Variants in GRM7 observed in about 807,000 individuals in gnomAD.
GRM7 encodes the protein glutamate metabotropic receptor 7.
In GRM7, 35 loss-of-function variants were observed where a neutral mutation model predicts 84.5. The observed-to-expected ratio is 0.41, with a 90% CI of 0.32 to 0.55. The LOEUF is 0.55. Among genes scored for constraint, GRM7 ranks in the 20% least tolerant of loss-of-function variants. The probability of loss-of-function intolerance (pLI) is 0.19; values close to 1 mark genes in which losing one functional copy is unlikely to be tolerated. For synonymous variants in GRM7, 487 were observed against 455.1 expected (o/e 1.07, Z -0.89); for missense variants, 1,003 against 1,194.6 (o/e 0.84, Z 2.36).
intron 2 of GRM7, among the ~76,000 whole-genome samples, chr3:7,192,252 A>T (rs1478570335): frequency 1.3e-5 from 2 of 152,086 alleles, no homozygotes; most frequent in African/African-American, 4.8e-5. Flanking sequence ...CCCGAAGAAC[A>T]TCTAATTTAG....
At chr3:7,434,620 T>C (rs865825561) in intron 5 of GRM7, among the ~76,000 whole-genome samples, 5 of 152,168 alleles carry the variant, frequency 3.3e-5, no homozygotes, top group Admixed American at 1.3e-4. Flanking sequence ...AATATTAAGT[T>C]TGCAGTCCTA....
rs375927646 is a variant in GRM7 at position 7,017,344 on chromosome 3, G to T, written c.520-129108G>T. On this transcript the variant is annotated intron_variant, in intron 1 of 9. Transcript: ENST00000357716. The stretch of plus-strand genomic sequence containing the variant: ...ATTAGACTAATAAGCAACTAAGCTG[G>T]GCCACAAAGAGGTTTGGGAAAATTT... Among the ~76,000 whole-genome samples, 11 of 152,076 alleles carry T rather than the reference G, an allele frequency of 7.2e-5. No homozygotes were observed. In the East Asian group the frequency reaches 1.7e-3, roughly 24 times the overall value.
intron 9 of GRM7, among the ~76,000 whole-genome samples, chr3:7,689,225 A>T (rs570510509): frequency 6.6e-5 from 10 of 152,182 alleles, no homozygotes; most frequent in Middle Eastern, 3.2e-3. Flanking sequence ...TATTATTGAC[A>T]TCCATTATTG....
chr3:7,366,825 T>A (rs1693911922), intron 4 of GRM7, among the ~76,000 whole-genome samples: 1 of 151,866 alleles, frequency 6.6e-6, no homozygotes. Context: ...AAAAGTAATA[T>A]ATTATGAAAA....
intron 4 of GRM7, among the ~76,000 whole-genome samples, chr3:7,312,937 T>TTTTG (rs1700455577): frequency 4.2e-5 from 1 of 23,552 alleles, no homozygotes; most frequent in African/African-American, 4.8e-4. Context: ...TCTTTTTTTC[T>TTTTG]TTTTTTTTTT....
chr3:6,985,640 C>T (rs748246130), intron 1 of GRM7, among the ~76,000 whole-genome samples: 38 of 152,266 alleles, frequency 2.5e-4, no homozygotes, highest in Middle Eastern at 3.4e-3. Context: ...ATGAGGTAGA[C>T]GCTGGATGTG....
intron 2 of GRM7, among the ~76,000 whole-genome samples, chr3:7,241,787 G>C (rs989383952): frequency 6.6e-6 from 1 of 152,074 alleles, no homozygotes; most frequent in Non-Finnish European, 1.5e-5. Flanking sequence ...CAGCTTTCCA[G>C]GGCACATCTC....
At chr3:7,039,590 G>T (rs1696515951) in intron 1 of GRM7, among the ~76,000 whole-genome samples, 1 of 152,060 alleles carries the variant, frequency 6.6e-6, no homozygotes, top group Admixed American at 6.6e-5. Context: ...TATAATATTG[G>T]ATATGCCGTG....
intron 2 of GRM7, among the ~76,000 whole-genome samples, chr3:7,155,554 TG>T (rs1694422637): frequency 1.3e-5 from 2 of 152,152 alleles, no homozygotes; most frequent in African/African-American, 4.8e-5. Flanking sequence ...AATTAATAAA[TG>T]GTTGCTTGCA....
At chr3:7,311,007 A>C (rs190917580) in intron 4 of GRM7, among the ~76,000 whole-genome samples, 57 of 152,204 alleles carry the variant, frequency 3.7e-4, no homozygotes, top group African/African-American at 1.3e-3. Context: ...TGCTGTGTCT[A>C]TTCCACTTTG....
intron 1 of GRM7, among the ~76,000 whole-genome samples, chr3:6,897,678 C>T (rs1200107406): frequency 3.3e-5 from 5 of 152,172 alleles, no homozygotes; most frequent in Non-Finnish European, 5.9e-5. Flanking sequence ...ACACATTTCA[C>T]ATAAAGGTAA....
At chr3:7,617,062 G>C (rs1354948740) in intron 8 of GRM7, among the ~76,000 whole-genome samples, 1 of 152,116 alleles carries the variant, frequency 6.6e-6, no homozygotes, top group Non-Finnish European at 1.5e-5. Context: ...TAGAATGCTA[G>C]TGATGTTGGT....
chr3:7,045,804 A>G (rs1309607817), intron 1 of GRM7, among the ~76,000 whole-genome samples: 3 of 152,192 alleles, frequency 2.0e-5, no homozygotes, highest in Middle Eastern at 3.4e-3. Flanking sequence ...GGTTGTTTCT[A>G]TATTTTGGTT....
At chr3:7,677,116 G>A (rs1166132369) in intron 8 of GRM7, among the ~76,000 whole-genome samples, 1 of 151,742 alleles carries the variant, frequency 6.6e-6, no homozygotes, top group Admixed American at 6.6e-5. Flanking sequence ...AAAAAAATTA[G>A]CCGGGCGCGG....
chr3:7,648,738 A>G (rs4686149), intron 8 of GRM7, among the ~76,000 whole-genome samples: 3 of 152,066 alleles, frequency 2.0e-5, no homozygotes, highest in African/African-American at 7.2e-5. Flanking sequence ...TATCAAAAGG[A>G]CTTCAGATGC....
At chr3:7,444,738 G>T (rs1218822010) in intron 5 of GRM7, among the ~76,000 whole-genome samples, 1 of 152,090 alleles carries the variant, frequency 6.6e-6, no homozygotes, top group African/African-American at 2.4e-5. Flanking sequence ...TTCACTGCAT[G>T]TATCTTTCCT....
chr3:7,529,409 A>G (rs187463172), intron 7 of GRM7, among the ~76,000 whole-genome samples: 1 of 152,236 alleles, frequency 6.6e-6, no homozygotes, highest in Admixed American at 6.5e-5. Context: ...TCGCACATCC[A>G]TTCAAGTTTT....
chr3:7,601,980 C>T (rs9812060), intron 8 of GRM7, among the ~76,000 whole-genome samples: 3,399 of 146,048 alleles, frequency 0.023, 113 homozygotes, highest in African/African-American at 0.082. Flanking sequence ...ATAAGCCATG[C>T]GGAAAAGAAG....
chr3:7,241,191 C>G (rs565908246), intron 2 of GRM7, among the ~76,000 whole-genome samples: 1 of 152,108 alleles, frequency 6.6e-6, no homozygotes, highest in East Asian at 1.9e-4. Context: ...GTGAGGCAGC[C>G]TTATTCAATG....
Sources: allele counts gnomAD v4.1 joint callset (sites outside exome capture counted in the v4.1 genomes callset), GRCh38; gene constraint gnomAD v4.1.1; transcripts MANE v1.5; gene names NCBI Gene and HGNC (gene_info 2026-07-23, HGNC 2026-07-21).